Variants in WDR25 observed in about 807,000 individuals in gnomAD.
WDR25 encodes WD repeat-containing protein 25.
WDR25 carries 35 observed loss-of-function variants against 47.7 expected under a neutral mutation model. The observed-to-expected ratio is 0.73, with a 90% CI of 0.56 to 0.97. The LOEUF (loss-of-function observed/expected upper bound fraction) is 0.97. WDR25 is among the 50% of genes least tolerant of loss of function. The pLI is 0.00. For missense variants in WDR25, 634 were observed against 704.7 expected (o/e 0.90, Z 1.14); for synonymous variants, 248 against 278.9 (o/e 0.89, Z 1.10).
At chr14:100,504,463 T>C (rs957735340) in intron 4 of WDR25, 1 of 152,256 alleles carries the variant, frequency 6.6e-6, no homozygotes, top group African/African-American at 2.4e-5. Flanking sequence ...TCCTTCTGTA[T>C]GTCTTATGAA....
At chr14:100,414,060 A>G (rs147130004) in intron 2 of WDR25, among the ~76,000 whole-genome samples, 3,667 of 151,070 alleles carry the variant, frequency 0.024, 157 homozygotes, top group African/African-American at 0.085. Flanking sequence ...CAGTGGTGCA[A>G]TCTTGGCTCA....
At chr14:100,444,715 G>A (rs1163281592) in intron 2 of WDR25, among the ~76,000 whole-genome samples, 1 of 152,216 alleles carries the variant, frequency 6.6e-6, no homozygotes, top group African/African-American at 2.4e-5. Context: ...GGCTCATCTG[G>A]AGGGCTGTGT....
rs111233370 is a variant in WDR25 at position 100,407,905 on chromosome 14, G to C, written c.822+26159G>C. Among the ~76,000 whole-genome samples the C allele has an allele frequency of 3.4e-3, 524 of 152,282 alleles. 6 individuals carry two copies. The highest frequency in any genetic ancestry group is 0.012 in the African/African-American group (499 of 41,528). On this transcript the variant is annotated intron_variant, in intron 2 of 6. Transcript: ENST00000402312. The surrounding 1 kb of genome is among the most constrained non-coding windows in gnomAD (Gnocchi z 4.1). ...CCAGACACATATGTCACAGTGAGCT[G>C]TGGGAATGACCCTTGACTCCTATCC... is the stretch of plus-strand genomic sequence containing the variant.
chr14:100,507,304 A>G (rs755529515), intron 4 of WDR25, among the ~76,000 whole-genome samples: 102 of 152,200 alleles, frequency 6.7e-4, no homozygotes, highest in Non-Finnish European at 1.3e-3. Context: ...TGGTTACTGT[A>G]GCCTTATAGT....
At chr14:100,465,441 T>A (rs955775090) in intron 2 of WDR25, among the ~76,000 whole-genome samples, 1 of 152,220 alleles carries the variant, frequency 6.6e-6, no homozygotes, top group Non-Finnish European at 1.5e-5. Context: ...GTACCTCATA[T>A]AAGTGCAGTT....
intron 3 of WDR25, among the ~76,000 whole-genome samples, chr14:100,475,036 A>G (rs916258580): frequency 1.3e-5 from 2 of 152,250 alleles, no homozygotes; most frequent in Admixed American, 1.3e-4. Flanking sequence ...GATATTAGAA[A>G]AAATGCTCAA....
intron 4 of WDR25, among the ~76,000 whole-genome samples, chr14:100,520,468 C>G (rs1050644511): frequency 6.6e-6 from 1 of 152,126 alleles, no homozygotes; most frequent in Non-Finnish European, 1.5e-5. Context: ...CAGTGTATAT[C>G]TAATTAGGAT....
At chr14:100,464,679 AC>A (rs1899546698) in intron 2 of WDR25, among the ~76,000 whole-genome samples, 1 of 57,888 alleles carries the variant, frequency 1.7e-5, no homozygotes, top group Non-Finnish European at 3.2e-5. Context: ...CATCTCCCCT[AC>A]CTCATCTCCC....
At chr14:100,474,115 C>T (rs1033897962) in intron 3 of WDR25, among the ~76,000 whole-genome samples, 3 of 152,246 alleles carry the variant, frequency 2.0e-5, no homozygotes, top group African/African-American at 4.8e-5. Flanking sequence ...AGTTAGCAGC[C>T]GCCTACTTTC....
intron 2 of WDR25, among the ~76,000 whole-genome samples, chr14:100,429,798 G>C (rs944749833): frequency 6.6e-6 from 1 of 152,048 alleles, no homozygotes; most frequent in Non-Finnish European, 1.5e-5. Flanking sequence ...TGGTGTGTGC[G>C]TGCTGCTGGG....
chr14:100,503,439 G>A lies in WDR25; in HGVS notation c.1101+19315G>A, dbSNP rs560416695. Among the ~76,000 whole-genome samples, 4 of 152,242 alleles carry A rather than the reference G, an allele frequency of 2.6e-5. No individual in the cohort carries two copies. In the South Asian group the frequency reaches 8.3e-4, roughly 32 times the overall value. ...GTGTCTTGGGGCCTCTGTTTCCTTG[G>A]AAACATTTGAAAGCAGGTGCTTTAT... On this transcript the variant is annotated intron_variant, in intron 4 of 6. Coordinates refer to ENST00000402312, the MANE Select transcript of WDR25 (RefSeq NM_001161476.3).
intron 4 of WDR25, among the ~76,000 whole-genome samples, chr14:100,495,067 G>A (rs1170288221): frequency 6.6e-6 from 1 of 152,212 alleles, no homozygotes; most frequent in Admixed American, 6.5e-5. Flanking sequence ...ATATTTTAAA[G>A]TAGTTCTGGC....
chr14:100,504,864 G>T (rs1332931082), intron 4 of WDR25, among the ~76,000 whole-genome samples: 2 of 152,148 alleles, frequency 1.3e-5, no homozygotes, highest in African/African-American at 4.8e-5. Flanking sequence ...AGTGTCAGTT[G>T]CCTCACATTC....
At chr14:100,469,300 G>T (rs1899749441) in intron 3 of WDR25, among the ~76,000 whole-genome samples, 1 of 152,196 alleles carries the variant, frequency 6.6e-6, no homozygotes, top group Admixed American at 6.5e-5. Flanking sequence ...TTGAGTGTGG[G>T]CGGCCTTGCA....
intron 2 of WDR25, among the ~76,000 whole-genome samples, chr14:100,446,550 C>T (rs1029741236): frequency 1.3e-5 from 1 of 75,010 alleles, no homozygotes; most frequent in African/African-American, 6.7e-5. Context: ...GACTCCATCT[C>T]AAAAAAAAAA....
chr14:100,520,057 CAT>C (rs779936078), intron 4 of WDR25, among the ~76,000 whole-genome samples: 39 of 133,766 alleles, frequency 2.9e-4, no homozygotes, highest in Admixed American at 6.4e-4. Context: ...TATATATGTA[CAT>C]ATGTGTGTGT....
At position 100,404,815 on chromosome 14, in the gene WDR25, T is replaced by C. The variant is rs1053599453; in HGVS notation, c.822+23069T>C. Among the ~76,000 whole-genome samples the C allele has an allele frequency of 2.6e-5, 4 of 152,156 alleles. No individual in the cohort carries two copies. In the East Asian group the frequency reaches 7.7e-4, roughly 29 times the overall value. On this transcript the variant is annotated intron_variant, in intron 2 of 6. Transcript: ENST00000402312. This position sits in a 1 kb window ranked among gnomAD's most constrained non-coding sequence, Gnocchi z 4.6. ...CTCCTTCTGCTGTTACATGGGGGCA[T>C]GCACCCCTCTCCCCTGCAGCTCTGG...
rs760349753 is a variant in WDR25 at position 100,488,710 on chromosome 14, C to T, written c.1101+4586C>T. On this transcript the variant is annotated intron_variant, in intron 4 of 6. Coordinates refer to ENST00000402312, the MANE Select transcript of WDR25 (RefSeq NM_001161476.3). The surrounding 1 kb of genome is among the most constrained non-coding windows in gnomAD (Gnocchi z 4.2). ...GAAGGGGAGGATAGTATATGGACCACATTTTGAGAAGCTAGGGACCAAAGG... is the reference window on the plus strand; with the variant it reads ...GAAGGGGAGGATAGTATATGGACCATATTTTGAGAAGCTAGGGACCAAAGG... Among the ~76,000 whole-genome samples, 2 of 152,172 alleles carry T rather than the reference C, an allele frequency of 1.3e-5. No homozygotes were observed. The highest frequency in any genetic ancestry group is 2.9e-5 in the Non-Finnish European group (2 of 68,032).
chr14:100,508,478 T>C (rs1188055827), intron 4 of WDR25, among the ~76,000 whole-genome samples: 1 of 152,216 alleles, frequency 6.6e-6, no homozygotes, highest in Non-Finnish European at 1.5e-5. Flanking sequence ...TCATGTGACC[T>C]TACTAAAATT....
Sources: allele counts gnomAD v4.1 joint callset (sites outside exome capture counted in the v4.1 genomes callset), GRCh38; gene constraint gnomAD v4.1.1; non-coding constraint Gnocchi (gnomAD v3.1); transcripts MANE v1.5; gene names NCBI Gene and HGNC (gene_info 2026-07-23, HGNC 2026-07-21).